The following RANBP3 variants were observed in gnomAD, a reference collection of about 807,000 sequenced individuals.
RANBP3 encodes the protein RAN binding protein 3, also known as ran-binding protein 3.
A neutral mutation model predicts 77.3 loss-of-function variants in RANBP3; 14 were observed. The ratio of observed to expected loss-of-function variants is 0.18; its 90% CI spans 0.12 to 0.28. The LOEUF is 0.28. Among genes scored for constraint, RANBP3 ranks in the 10% least tolerant of loss-of-function variants. RANBP3 has a pLI of 1.00. For synonymous variants in RANBP3, 315 were observed against 312.4 expected (o/e 1.01, Z -0.09); for missense variants, 586 against 752.3 (o/e 0.78, Z 2.59).
chr19:5,965,226 A>G (rs1021967853), intron 1 of RANBP3, among the ~76,000 whole-genome samples: 1 of 152,048 alleles, frequency 6.6e-6, no homozygotes, highest in African/African-American at 2.4e-5. Context: ...CGAAGTCCAT[A>G]AAACCCTCAC....
chr19:5,925,304 C>T (rs1397153582), intron 10 of RANBP3: 29 of 483,982 alleles, frequency 6.0e-5, no homozygotes, highest in South Asian at 1.2e-4. Flanking sequence ...GCGCCTGAGT[C>T]GCCTCTGGCC....
At chr19:5,945,245 C>T (rs768635798) in intron 3 of RANBP3, among the ~76,000 whole-genome samples, 1 of 152,266 alleles carries the variant, frequency 6.6e-6, no homozygotes, top group African/African-American at 2.4e-5. Flanking sequence ...ACAGAAGGAA[C>T]TGGTCCCCGA....
At chr19:5,945,201 G>A (rs1212942013) in intron 3 of RANBP3, among the ~76,000 whole-genome samples, 1 of 152,190 alleles carries the variant, frequency 6.6e-6, no homozygotes, top group African/African-American at 2.4e-5. Flanking sequence ...CCCCTTGCAG[G>A]CCACGGAGAA....
intron 1 of RANBP3, among the ~76,000 whole-genome samples, chr19:5,964,852 T>G (rs1021000402): frequency 2.8e-3 from 48 of 16,972 alleles, no homozygotes; most frequent in East Asian, 0.017. Flanking sequence ...GGTGGTAGGG[T>G]GGGGGGGGGG....
At chr19:5,976,725 A>C (rs1041817820) in intron 1 of RANBP3, 3 of 152,312 alleles carry the variant, frequency 2.0e-5, no homozygotes, top group Non-Finnish European at 4.4e-5. Context: ...GCCTGGCTAC[A>C]GAGCTAGACT....
intron 6 of RANBP3, 22 bp from the exon 7 acceptor site, chr19:5,932,566 C>T (rs1372969328): frequency 6.8e-6 from 11 of 1,606,390 alleles, no homozygotes; most frequent in Non-Finnish European, 7.7e-6. Flanking sequence ...AGGCGGCCTT[C>T]CCAGTGCCCG....
intron 5 of RANBP3, among the ~76,000 whole-genome samples, chr19:5,939,846 A>AC (rs1479391978): frequency 6.6e-6 from 1 of 152,108 alleles, no homozygotes; most frequent in African/African-American, 2.4e-5. Context: ...AACTGGGGGC[A>AC]CCCCCTTGTC....
intron 1 of RANBP3, among the ~76,000 whole-genome samples, chr19:5,962,045 C>G (rs1439203830): frequency 6.6e-6 from 1 of 152,080 alleles, no homozygotes; most frequent in African/African-American, 2.4e-5. Flanking sequence ...GCACTCCCTC[C>G]CGAGCAGGCC....
At position 5,968,488 on chromosome 19, in the gene RANBP3, T is replaced by C. The variant is rs186936723; in HGVS notation, c.22+9573A>G. Among the ~76,000 whole-genome samples, 366 of 152,366 alleles carry C rather than the reference T, an allele frequency of 2.4e-3. 1 individual carries two copies. The highest frequency in any genetic ancestry group is 8.0e-3 in the African/African-American group (331 of 41,588). On this transcript the variant is annotated intron_variant, in intron 1 of 16. Transcript: ENST00000340578. Reference sequence around the variant, plus strand: ...GTTGGCACACAGGATGATTCCACACTGGCACTGGTAGCATTATTATGCTCG... The same window carrying C: ...GTTGGCACACAGGATGATTCCACACCGGCACTGGTAGCATTATTATGCTCG...
At chr19:5,953,872 C>T (rs1359550288) in intron 2 of RANBP3, among the ~76,000 whole-genome samples, 1 of 152,120 alleles carries the variant, frequency 6.6e-6, no homozygotes, top group Non-Finnish European at 1.5e-5. Flanking sequence ...GGCCCTAGGA[C>T]TACAATTAAA....
Position 5,921,217 on chromosome 19 carries a change from T to G in RANBP3, c.1314A>C (p.Thr438=). The part of the protein sequence containing the change: ...LNDMASTDDG[T]LQSRLVMRTQ... ...GCAGCTCACCTAGTCGGGACTGTAG[T>G]GTGCCGTCATCGGTGGACGCCATGT... The change falls in exon 14 of 17, where the codon ACA becomes ACC. Residue 438 remains threonine, a synonymous_variant. Coordinates refer to ENST00000340578, the MANE Select transcript of RANBP3 (RefSeq NM_007322.3). The surrounding 1 kb of genome is among the most constrained non-coding windows in gnomAD (Gnocchi z 5.3). 1 of 1,612,570 alleles carries G rather than the reference T, an allele frequency of 6.2e-7. No individual in the cohort carries two copies. Among genetic ancestry groups the G allele is most frequent in the South Asian group, 1.1e-5 (1 of 91,044 alleles).
At position 5,916,189 on chromosome 19, in the gene RANBP3, T is replaced by G. The variant is rs1238454224; in HGVS notation, c.*1421A>C. On this transcript the variant is annotated 3_prime_UTR_variant, in exon 17 of 17. Coordinates refer to ENST00000340578, the MANE Select transcript of RANBP3 (RefSeq NM_007322.3). ...CCCAAATACATTTCATATGACAATC[T>G]TACATAAATGTTCCAAAACACATGG... 1 of 152,198 alleles carries G rather than the reference T, an allele frequency of 6.6e-6. No homozygotes were observed. Among genetic ancestry groups the G allele is most frequent in the African/African-American group, 2.4e-5 (1 of 41,446 alleles). The allele number at this position is 152,198 out of a possible 1,614,324, so 9.4% of individuals were successfully genotyped here.
rs1246874508 is a variant in RANBP3, at chr19:5,959,161, G to A, written c.23-1188C>T. Among the ~76,000 whole-genome samples the A allele has an allele frequency of 6.6e-6, 1 of 152,116 alleles. No homozygotes were observed. The highest frequency in any genetic ancestry group is 1.5e-5 in the Non-Finnish European group (1 of 68,028). ...CAGCAGCTTGAAGTCACAGCTTGCG[G>A]GGTGATGGGGCCAGGGGCAGGCGGT... On this transcript the variant is annotated intron_variant, in intron 1 of 16. Coordinates refer to ENST00000340578, the MANE Select transcript of RANBP3 (RefSeq NM_007322.3). This position sits in a 1 kb window ranked among gnomAD's most constrained non-coding sequence, Gnocchi z 5.1.
intron 3 of RANBP3, among the ~76,000 whole-genome samples, chr19:5,943,253 G>A (rs1186640410): frequency 6.6e-6 from 1 of 152,218 alleles, no homozygotes; most frequent in African/African-American, 2.4e-5. Context: ...GCCTCGACGA[G>A]CTGCTGGGGC....
chr19:5,930,678 C>A (rs1369740195), intron 8 of RANBP3, among the ~76,000 whole-genome samples: 2 of 152,206 alleles, frequency 1.3e-5, no homozygotes, highest in Non-Finnish European at 2.9e-5. Context: ...AAGCAATCCT[C>A]CAGCCTCAGC....
rs976689961 is a variant in RANBP3 at position 5,958,632 on chromosome 19, C to G, written c.23-659G>C. Among the ~76,000 whole-genome samples, 2 of 152,256 alleles carry G rather than the reference C, an allele frequency of 1.3e-5. No individual in the cohort carries two copies. The highest frequency in any genetic ancestry group is 2.9e-5 in the Non-Finnish European group (2 of 68,042). ...ACACCATCTGTCTCCTACCCAGGGG[C>G]AGCCAGATCCACAGCCCTGTGCCAC... is the stretch of plus-strand genomic sequence containing the variant. On this transcript the variant is annotated intron_variant, in intron 1 of 16. Coordinates refer to ENST00000340578, the MANE Select transcript of RANBP3 (RefSeq NM_007322.3). This position sits in a 1 kb window ranked among gnomAD's most constrained non-coding sequence, Gnocchi z 4.4.
intron 3 of RANBP3, among the ~76,000 whole-genome samples, chr19:5,946,091 G>A (rs951257928): frequency 9.9e-5 from 15 of 152,036 alleles, no homozygotes; most frequent in Admixed American, 2.6e-4. Context: ...CTCCGTGGGC[G>A]CCCTCCCTCC....
At chr19:5,976,559 C>T (rs908543590) in intron 1 of RANBP3, 1 of 152,208 alleles carries the variant, frequency 6.6e-6, no homozygotes, top group Non-Finnish European at 1.5e-5. Flanking sequence ...TCCTGGCCAA[C>T]ATGGTGAAAC....
chr19:5,973,687 G>C (rs1052688381), intron 1 of RANBP3, among the ~76,000 whole-genome samples: 1 of 152,218 alleles, frequency 6.6e-6, no homozygotes, highest in East Asian at 1.9e-4. Flanking sequence ...CCACACAATG[G>C]AGACTTTGCT....
Sources: allele counts gnomAD v4.1 joint callset (sites outside exome capture counted in the v4.1 genomes callset), GRCh38; gene constraint gnomAD v4.1.1; non-coding constraint Gnocchi (gnomAD v3.1); transcripts MANE v1.5; gene names NCBI Gene and HGNC (gene_info 2026-07-23, HGNC 2026-07-21).